The following SH3RF3 variants were observed in gnomAD, a reference collection of about 807,000 sequenced individuals.
The protein encoded by SH3RF3 is SH3 domain containing ring finger 3.
Under a neutral mutation model 66.3 loss-of-function variants are expected in SH3RF3, and 29 were observed. The ratio of observed to expected loss-of-function variants is 0.44; its 90% CI spans 0.33 to 0.60. The LOEUF (loss-of-function observed/expected upper bound fraction) is 0.60, where lower values mean the gene tolerates loss of function less well. Among genes scored for constraint, SH3RF3 ranks in the 20% least tolerant of loss-of-function variants. SH3RF3 has a pLI of 0.04. For synonymous variants in SH3RF3, 583 were observed against 532.0 expected (o/e 1.10, Z -1.32); for missense variants, 1,194 against 1,190.9 (o/e 1.00, Z -0.04).
Position 109,432,654 on chromosome 2 carries a change from C to T in SH3RF3, c.1557C>T (p.Tyr519=), listed in dbSNP as rs139442208. 3.2e-5 allele frequency: 51 copies of T among 1,612,168 alleles called. No homozygotes were observed. Among genetic ancestry groups the T allele is most frequent in the African/African-American group, 2.8e-4 (21 of 75,046 alleles). The change falls in exon 6 of 10, where the codon TAC becomes TAT. Residue 519 remains tyrosine, a synonymous_variant. Coordinates refer to ENST00000309415, the MANE Select transcript of SH3RF3 (RefSeq NM_001099289.3). ...TGVSGVFPGN[Y]VTPVSRVPAG... ...TCTCTGGGGTGTTCCCCGGAAACTA[C>T]GTGACACCCGTTTCCAGGTGAGGGC...
intron 1 of SH3RF3, among the ~76,000 whole-genome samples, chr2:109,220,677 C>A (rs950443870): frequency 2.6e-5 from 4 of 152,160 alleles, no homozygotes; most frequent in African/African-American, 9.7e-5. Flanking sequence ...TGCTTCATGT[C>A]ATTTGTTACT....
intron 4 of SH3RF3, among the ~76,000 whole-genome samples, chr2:109,402,191 G>A (rs143570471): frequency 1.3e-5 from 2 of 152,242 alleles, no homozygotes; most frequent in African/African-American, 4.8e-5. Flanking sequence ...GCTCTGCACT[G>A]CCTTCCTGGT....
At chr2:109,334,274 C>T (rs1388896528) in intron 1 of SH3RF3, among the ~76,000 whole-genome samples, 2 of 148,632 alleles carry the variant, frequency 1.3e-5, no homozygotes, top group South Asian at 4.2e-4. Flanking sequence ...GGGAGGATTG[C>T]TTGAGCCCAG....
In SH3RF3 at chr2:109,486,165, C is replaced by T. The variant is rs72949170; in HGVS notation, c.2149-4440C>T. 5.8e-3 allele frequency among the ~76,000 whole-genome samples: 886 copies of T among 152,324 alleles called. 3 individuals carry two copies. Among genetic ancestry groups the T allele is most frequent in the African/African-American group, 0.02 (839 of 41,578 alleles). ...TCTGTGTCTTGACATTACTCTTTGT[C>T]GTCTGGAAATCACTTACCGAGTTGC... On this transcript the variant is annotated intron_variant, in intron 8 of 9. Coordinates refer to ENST00000309415, the MANE Select transcript of SH3RF3 (RefSeq NM_001099289.3).
chr2:109,502,356 T>C lies in SH3RF3; in HGVS notation c.*685T>C, dbSNP rs1313755922. The stretch of plus-strand genomic sequence containing the variant: ...TATTTTTAACATAAAGCTGTTAGAC[T>C]TTATATATTTCTAATAGGTCAGACA... On this transcript the variant is annotated 3_prime_UTR_variant, in exon 10 of 10. Transcript: ENST00000309415. 2 of 152,242 alleles carry C rather than the reference T, an allele frequency of 1.3e-5. No individual in the cohort carries two copies. Among genetic ancestry groups the C allele is most frequent in the Non-Finnish European group, 2.9e-5 (2 of 68,042 alleles). 9.4% of individuals were successfully genotyped at this position (152,242 alleles called of 1,614,324 possible). A position where few individuals can be genotyped will look rare whatever the true frequency, so the allele number is the denominator to read the frequency against.
chr2:109,452,334 G>A (rs866755960), intron 8 of SH3RF3, among the ~76,000 whole-genome samples: 9 of 152,272 alleles, frequency 5.9e-5, no homozygotes, highest in Middle Eastern at 6.8e-3. Context: ...TGGGCAACTT[G>A]ATCATAGATG....
At position 109,378,029 on chromosome 2, in the gene SH3RF3, A is replaced by G. The variant is rs552858233; in HGVS notation, c.945+6348A>G. On this transcript the variant is annotated intron_variant, in intron 3 of 9. Coordinates refer to ENST00000309415, the MANE Select transcript of SH3RF3 (RefSeq NM_001099289.3). Reference sequence around the variant, plus strand: ...TCCGCCGTGTTGGATTTGCCATTTTACCTTGGTCTTGTGGGTTTTCGGCCC... The same window carrying G: ...TCCGCCGTGTTGGATTTGCCATTTTGCCTTGGTCTTGTGGGTTTTCGGCCC... Among the ~76,000 whole-genome samples the G allele has an allele frequency of 2.0e-5, 3 of 152,318 alleles. No individual in the cohort carries two copies. The South Asian group carries it at 6.2e-4, about 32-fold the overall frequency.
At chr2:109,464,586 C>T (rs751562974) in intron 8 of SH3RF3, among the ~76,000 whole-genome samples, 2 of 152,228 alleles carry the variant, frequency 1.3e-5, no homozygotes, top group Non-Finnish European at 2.9e-5. Context: ...CCCTCACAAT[C>T]GATTTCCTCT....
At chr2:109,296,224 G>GTAT (rs1305056563) in intron 1 of SH3RF3, among the ~76,000 whole-genome samples, 11 of 151,476 alleles carry the variant, frequency 7.3e-5, no homozygotes, top group East Asian at 5.9e-4. Flanking sequence ...GAATGACCTA[G>GTAT]TATTATTATT....
intron 1 of SH3RF3, among the ~76,000 whole-genome samples, chr2:109,150,566 C>T (rs1677204703): frequency 6.6e-6 from 1 of 152,066 alleles, no homozygotes; most frequent in Non-Finnish European, 1.5e-5. Flanking sequence ...TATGATTACC[C>T]CCATTGTGCA....
chr2:109,409,559 T>C (rs1391200193), intron 4 of SH3RF3, among the ~76,000 whole-genome samples: 1 of 151,858 alleles, frequency 6.6e-6, no homozygotes, highest in African/African-American at 2.4e-5. Context: ...GGAGGGGAGT[T>C]TTGGCCTCCA....
At chr2:109,451,755 G>A (rs1038231706) in intron 8 of SH3RF3, among the ~76,000 whole-genome samples, 3 of 152,256 alleles carry the variant, frequency 2.0e-5, no homozygotes, top group East Asian at 1.9e-4. Context: ...GATGAAAGGC[G>A]ACATGCAGGG....
intron 1 of SH3RF3, among the ~76,000 whole-genome samples, chr2:109,183,783 A>G (rs192177881): frequency 1.3e-5 from 2 of 152,250 alleles, no homozygotes; most frequent in African/African-American, 4.8e-5. Context: ...TACTCTTTAC[A>G]TATAAGGAGG....
chr2:109,212,304 T>C (rs1679004348), intron 1 of SH3RF3, among the ~76,000 whole-genome samples: 1 of 152,206 alleles, frequency 6.6e-6, no homozygotes, highest in Non-Finnish European at 1.5e-5. Context: ...TGGCTCGCTA[T>C]GGAGGAGGGG....
At chr2:109,391,975 G>A (rs971779774) in intron 3 of SH3RF3, among the ~76,000 whole-genome samples, 5 of 151,980 alleles carry the variant, frequency 3.3e-5, no homozygotes, top group South Asian at 2.1e-4. Context: ...ATGCCACCAC[G>A]CCCAGCTAAT....
chr2:109,279,262 T>C (rs1297821877), intron 1 of SH3RF3, among the ~76,000 whole-genome samples: 1 of 152,186 alleles, frequency 6.6e-6, no homozygotes, highest in African/African-American at 2.4e-5. Flanking sequence ...GCTTAGCTCC[T>C]GCCACGTCCT....
intron 8 of SH3RF3, among the ~76,000 whole-genome samples, chr2:109,465,079 C>G (rs1205002751): frequency 6.6e-6 from 1 of 152,196 alleles, no homozygotes; most frequent in Non-Finnish European, 1.5e-5. Context: ...AATGTTGTAG[C>G]CTTTTTGCAT....
chr2:109,252,541 TA>T (rs1409688357), intron 1 of SH3RF3, among the ~76,000 whole-genome samples: 1 of 152,190 alleles, frequency 6.6e-6, no homozygotes, highest in Non-Finnish European at 1.5e-5. Flanking sequence ...CTCTCAGTGC[TA>T]AAACCAGGGA....
chr2:109,496,946 C>G (rs1679275600), intron 9 of SH3RF3, among the ~76,000 whole-genome samples: 1 of 152,104 alleles, frequency 6.6e-6, no homozygotes, highest in Non-Finnish European at 1.5e-5. Flanking sequence ...GAGCACTCCC[C>G]TTTGAAGATG....
Sources: allele counts gnomAD v4.1 joint callset (sites outside exome capture counted in the v4.1 genomes callset), GRCh38; gene constraint gnomAD v4.1.1; transcripts MANE v1.5; gene names NCBI Gene and HGNC (gene_info 2026-07-23, HGNC 2026-07-21).